Variants in DMXL1 observed in about 807,000 individuals in gnomAD.
DMXL1 encodes Dmx like 1, also known as dmX-like protein 1.
A neutral mutation model predicts 319.2 loss-of-function variants in DMXL1; 99 were observed. The observed-to-expected ratio is 0.31, with a 90% CI of 0.26 to 0.37. DMXL1 has a LOEUF of 0.37. DMXL1 is among the 10% of genes least tolerant of loss of function. The probability of loss-of-function intolerance (pLI) is 1.00; values close to 1 mark genes in which losing one functional copy is unlikely to be tolerated. For missense variants in DMXL1, 3,745 were observed against 3,595.6 expected, an observed-to-expected ratio of 1.04 and a Z score of -1.06; for synonymous variants, 1,385 against 1,235.2, an observed-to-expected ratio of 1.12 and a Z score of -2.54.
intron 3 of DMXL1, among the ~76,000 whole-genome samples, chr5:119,103,771 C>T (rs1172154055): frequency 6.6e-6 from 1 of 152,074 alleles, no homozygotes; most frequent in Non-Finnish European, 1.5e-5. Flanking sequence ...TATTTCAGTA[C>T]TCAATAAATA....
At chr5:119,196,552 A>C in intron 31 of DMXL1, 96 bp downstream of exon 31, 1 of 811,658 alleles carries the variant, frequency 1.2e-6, no homozygotes, top group South Asian at 1.5e-5. Context: ...ACTGGGGGGA[A>C]AATTTAGTGA....
At chr5:119,245,372 T>G (rs1789546560) in intron 43 of DMXL1, among the ~76,000 whole-genome samples, 1 of 152,180 alleles carries the variant, frequency 6.6e-6, no homozygotes, top group Admixed American at 6.5e-5. Context: ...ACCAGCAAAT[T>G]GTTTTCATAA....
chr5:119,203,444 T>G lies in DMXL1; in HGVS notation c.7863+8T>G. 1 of 1,510,140 alleles carries G rather than the reference T, an allele frequency of 6.6e-7. No individual in the cohort carries two copies. Among genetic ancestry groups the G allele is most frequent in the Middle Eastern group, 1.7e-4 (1 of 5,756 alleles). The allele number at this position is 1,510,140 out of a possible 1,614,324, so 93.5% of individuals were successfully genotyped here. ...AAACGGTGTCTAAATGAGGTCTGTA[T>G]AAGTTAAAACCTGTTTACTATTTTA... On this transcript the variant is annotated splice_region_variant and intron_variant, in intron 33 of 43. Coordinates refer to ENST00000539542, the MANE Select transcript of DMXL1 (RefSeq NM_001290321.3).
intron 36 of DMXL1, 109 bp from the exon 37 acceptor site, chr5:119,220,831 G>A (rs1784524569): frequency 7.4e-7 from 1 of 1,356,580 alleles, no homozygotes; most frequent in Non-Finnish European, 1.0e-6. Context: ...AATAAGAGCT[G>A]AAGAAAATTA....
Position 119,133,127 on chromosome 5 carries a change from T to C in DMXL1, c.1316-5T>C. ...TACTTGGTTCATGAACTCTTTTGCT[T>C]ATAGAAACTGATGATGGTGTTGATG... is the stretch of plus-strand genomic sequence containing the variant. On this transcript the variant is annotated splice_polypyrimidine_tract_variant and splice_region_variant and intron_variant, in intron 10 of 43. Coordinates refer to ENST00000539542, the MANE Select transcript of DMXL1 (RefSeq NM_001290321.3). The C allele has an allele frequency of 1.2e-6, 2 of 1,613,736 alleles. No individual in the cohort carries two copies. Among genetic ancestry groups the C allele is most frequent in the Non-Finnish European group, 1.7e-6 (2 of 1,179,760 alleles).
chr5:119,194,376 A>C (rs1459251305), intron 30 of DMXL1, among the ~76,000 whole-genome samples: 1 of 152,214 alleles, frequency 6.6e-6, no homozygotes, highest in Admixed American at 6.5e-5. Context: ...GTACTATAAG[A>C]TGTCAATAGG....
intron 13 of DMXL1, among the ~76,000 whole-genome samples, chr5:119,136,845 A>T (rs1410454219): frequency 6.6e-6 from 1 of 152,270 alleles, no homozygotes; most frequent in African/African-American, 2.4e-5. Flanking sequence ...ATGTTCAGGC[A>T]GAGGTCTGCG....
intron 38 of DMXL1, among the ~76,000 whole-genome samples, chr5:119,227,033 C>A (rs1785710386): frequency 6.6e-6 from 1 of 152,092 alleles, no homozygotes; most frequent in South Asian, 2.1e-4. Flanking sequence ...CCTTTCCCAC[C>A]CTTTTCTGGA....
In DMXL1 at chr5:119,174,909, C is replaced by T. The variant is rs555625179; in HGVS notation, c.6682-352C>T. Among the ~76,000 whole-genome samples, 4 of 152,320 alleles carry T rather than the reference C, an allele frequency of 2.6e-5. No individual in the cohort carries two copies. The South Asian group carries it at 8.3e-4, about 32-fold the overall frequency. On this transcript the variant is annotated intron_variant, in intron 25 of 43. Transcript: ENST00000539542. ...TGTCAGTTATCAGGCTGTTTCTTCA[C>T]ATTTTGGTTGAGGAAAAAGCAGATT...
At position 119,078,667 on chromosome 5, in the gene DMXL1, G is replaced by T. The variant is rs559930296; in HGVS notation, c.87+7011G>T. On this transcript the variant is annotated intron_variant, in intron 1 of 43. Coordinates refer to ENST00000539542, the MANE Select transcript of DMXL1 (RefSeq NM_001290321.3). ...GGGTCCCACTATGTTGCCCAGGCTG[G>T]TCTCAAACTCCTGGGCTCCAGTGAT... Among the ~76,000 whole-genome samples the T allele has an allele frequency of 1.3e-4, 20 of 152,156 alleles. 1 individual carries two copies. The South Asian group carries it at 4.2e-3, about 32-fold the overall frequency.
Position 119,110,087 on chromosome 5 carries a change from G to T in DMXL1, c.365-64G>T, listed in dbSNP as rs531585725. 7.2e-5 allele frequency: 100 copies of T among 1,395,018 alleles called. No homozygotes were observed. In the East Asian group the frequency reaches 2.5e-3, roughly 35 times the overall value. The allele number at this position is 1,395,018 out of a possible 1,614,324, so 86.4% of individuals were successfully genotyped here. On this transcript the variant is annotated intron_variant, in intron 4 of 43. Coordinates refer to ENST00000539542, the MANE Select transcript of DMXL1 (RefSeq NM_001290321.3). ...AGAAGTTGTTTTATATGAAATTCTTGAGCATGTAAATTAAGTCACTATTAA... is the reference window on the plus strand; with the variant it reads ...AGAAGTTGTTTTATATGAAATTCTTTAGCATGTAAATTAAGTCACTATTAA...
intron 13 of DMXL1, among the ~76,000 whole-genome samples, chr5:119,136,651 A>G (rs936670018): frequency 6.6e-6 from 1 of 152,240 alleles, no homozygotes; most frequent in African/African-American, 2.4e-5. Context: ...CCTGCCTCCC[A>G]GCTGCTCTAG....
At chr5:119,154,332 A>G (rs1561742816) in intron 19 of DMXL1, among the ~76,000 whole-genome samples, 2 of 152,238 alleles carry the variant, frequency 1.3e-5, no homozygotes, top group African/African-American at 2.4e-5. Flanking sequence ...CAGTTTACCA[A>G]ATTGTAAATG....
intron 28 of DMXL1, among the ~76,000 whole-genome samples, chr5:119,179,535 A>G (rs1470648139): frequency 6.6e-6 from 1 of 152,198 alleles, no homozygotes; most frequent in East Asian, 1.9e-4. Context: ...TGGGAAAAAA[A>G]TTATTGCCAA....
intron 25 of DMXL1, among the ~76,000 whole-genome samples, chr5:119,173,798 A>ATATATATATAT (rs1307519155): frequency 2.5e-4 from 32 of 126,602 alleles, no homozygotes; most frequent in East Asian, 8.4e-4. Flanking sequence ...ATATATATAT[A>ATATATATATAT]ATGAGAGAGA....
intron 19 of DMXL1, among the ~76,000 whole-genome samples, chr5:119,164,064 C>A (rs1487176207): frequency 6.6e-6 from 1 of 151,690 alleles, no homozygotes; most frequent in African/African-American, 2.4e-5. Flanking sequence ...CAGTGCTATT[C>A]CTAATTCATC....
chr5:119,101,793 T>C, intron 2 of DMXL1, 142 bp from the exon 3 acceptor site: 1 of 638,360 alleles, frequency 1.6e-6, no homozygotes, highest in African/African-American at 1.9e-5. Flanking sequence ...TGTGATAGTC[T>C]TCAAAACTGA....
At position 119,118,343 on chromosome 5, in the gene DMXL1, T is replaced by C. The variant is rs191779924; in HGVS notation, c.744-472T>C. On this transcript the variant is annotated intron_variant, in intron 7 of 43. Transcript: ENST00000539542. ...AAGCATATGATATAATTCAAAGAACTATCCACTCAATAAATCAGAAAATCT... is the reference window on the plus strand; with the variant it reads ...AAGCATATGATATAATTCAAAGAACCATCCACTCAATAAATCAGAAAATCT... Among the ~76,000 whole-genome samples the C allele has an allele frequency of 2.3e-3, 351 of 152,376 alleles. 3 individuals are homozygous for C. The highest frequency in any genetic ancestry group is 4.4e-4 in the Non-Finnish European group (30 of 68,042).
chr5:119,098,094 A>C lies in DMXL1; in HGVS notation c.203A>C (p.Gln68Pro). The C allele has an allele frequency of 6.3e-7, 1 of 1,597,342 alleles. No individual in the cohort carries two copies. The highest frequency in any genetic ancestry group is 1.1e-5 in the South Asian group (1 of 87,156). The change falls in exon 2 of 44, where the codon CAA becomes CCA. Residue 68 changes from glutamine to proline, a missense_variant. Around this residue, in one of 4 missense-constraint regions of DMXL1, gnomAD observed 2,096 missense variants for 1,985.4 expected, o/e 1.06. Coordinates refer to ENST00000539542, the MANE Select transcript of DMXL1 (RefSeq NM_001290321.3). ...GTGGGATGTGTAGACTGTTCAATGCAACAAGGCAAGGTTTGTAATCTTCTT... is the reference window on the plus strand; with the variant it reads ...GTGGGATGTGTAGACTGTTCAATGCCACAAGGCAAGGTTTGTAATCTTCTT... The part of the protein sequence containing the change: ...IQVGCVDCSM[Q>P]QGKIAASYGN...
Sources: allele counts gnomAD v4.1 joint callset (sites outside exome capture counted in the v4.1 genomes callset), GRCh38; gene constraint gnomAD v4.1.1; regional missense constraint gnomAD v4.1.1; transcripts MANE v1.5; gene names NCBI Gene and HGNC (gene_info 2026-07-23, HGNC 2026-07-21).